RAB6B: variants seen among roughly 807,000 people sequenced by gnomAD.
RAB6B encodes the protein RAB6B, member RAS oncogene family.
Under a neutral mutation model 31.2 loss-of-function variants are expected in RAB6B, and 7 were observed. That is an observed-to-expected ratio of 0.22 (90% CI 0.13 to 0.42). The LOEUF is 0.42. Among genes scored for constraint, RAB6B ranks in the 10% least tolerant of loss-of-function variants. RAB6B has a pLI of 1.00. For synonymous variants in RAB6B, 105 were observed against 104.9 expected (o/e 1.00, Z -0.01); for missense variants, 149 against 280.6 (o/e 0.53, Z 3.35).
At chr3:133,849,994 G>A (rs961457622) in intron 2 of RAB6B, among the ~76,000 whole-genome samples, 3 of 152,156 alleles carry the variant, frequency 2.0e-5, no homozygotes, top group Non-Finnish European at 4.4e-5. Flanking sequence ...AATCTGCAAA[G>A]TTACTACAGC....
Position 133,895,571 on chromosome 3 carries a change from AG to A in RAB6B, c.-106del. ...AGGCGGCCGGCGGTGCGGGAGCCGG[AG>A]GGGGAAGGGCTGGCTGCGCGCGTCC... On this transcript the variant is annotated 5_prime_UTR_variant, in exon 1 of 8. Transcript: ENST00000285208. 8.6e-7 allele frequency: 1 copy of A among 1,156,300 alleles called. No individual in the cohort carries two copies. The highest frequency in any genetic ancestry group is 1.9e-5 in the Admixed American group (1 of 52,198). 71.6% of individuals were successfully genotyped at this position (1,156,300 alleles called of 1,614,324 possible).
Position 133,827,885 on chromosome 3 carries a change from T to G in RAB6B, c.*903A>C. The G allele has an allele frequency of 2.8e-6, 2 of 702,502 alleles. No individual in the cohort carries two copies. Among genetic ancestry groups the G allele is most frequent in the Non-Finnish European group, 5.2e-6 (2 of 384,812 alleles). The allele number at this position is 702,502 out of a possible 1,614,324, so 43.5% of individuals were successfully genotyped here. On this transcript the variant is annotated 3_prime_UTR_variant, in exon 8 of 8. Coordinates refer to ENST00000285208, the MANE Select transcript of RAB6B (RefSeq NM_016577.4). ...GTTTCTTAGACTTGGCCCAGGCATG[T>G]GTACTGACTGCTGGGTGGGCTGGTT...
In RAB6B at chr3:133,827,900, G is replaced by A. The variant is rs1253417074; in HGVS notation, c.*888C>T. 7.1e-6 allele frequency: 5 copies of A among 702,784 alleles called. No homozygotes were observed. Among genetic ancestry groups the A allele is most frequent in the African/African-American group, 7.0e-5 (4 of 57,198 alleles). 43.5% of individuals were successfully genotyped at this position (702,784 alleles called of 1,614,324 possible). ...CCCAGGCATGTGTACTGACTGCTGG[G>A]TGGGCTGGTTAAAATATTTTCAGAA... is the stretch of plus-strand genomic sequence containing the variant. On this transcript the variant is annotated 3_prime_UTR_variant, in exon 8 of 8. Coordinates refer to ENST00000285208, the MANE Select transcript of RAB6B (RefSeq NM_016577.4).
At chr3:133,850,789 T>C (rs1273466769) in intron 2 of RAB6B, among the ~76,000 whole-genome samples, 2 of 151,728 alleles carry the variant, frequency 1.3e-5, no homozygotes, top group African/African-American at 4.8e-5. Context: ...ATTTACAGAT[T>C]CAAAAACTCA....
intron 2 of RAB6B, among the ~76,000 whole-genome samples, chr3:133,857,997 G>A (rs551301055): frequency 3.9e-5 from 6 of 152,098 alleles, no homozygotes; most frequent in African/African-American, 1.2e-4. Context: ...TGTGTGCCCC[G>A]CCTCAGCTGC....
chr3:133,895,524 G>A lies in RAB6B; in HGVS notation c.-58C>T, dbSNP rs1936697063. On this transcript the variant is annotated 5_prime_UTR_variant, in exon 1 of 8. Coordinates refer to ENST00000285208, the MANE Select transcript of RAB6B (RefSeq NM_016577.4). ...GAGGAAAAAGCGAAGGAGCAGGGAG[G>A]GGAGAGTAGGAGGGCGAGGGGAGGC... 3.2e-6 allele frequency: 5 copies of A among 1,574,978 alleles called. No homozygotes were observed. The highest frequency in any genetic ancestry group is 4.5e-5 in the East Asian group (2 of 44,292).
chr3:133,870,742 T>G (rs1936312303), intron 1 of RAB6B, among the ~76,000 whole-genome samples: 1 of 152,224 alleles, frequency 6.6e-6, no homozygotes, highest in Non-Finnish European at 1.5e-5. Context: ...AAAAAACAAT[T>G]AACAATAATC....
intron 1 of RAB6B, among the ~76,000 whole-genome samples, chr3:133,879,212 T>C (rs1936434246): frequency 6.6e-6 from 1 of 152,238 alleles, no homozygotes; most frequent in South Asian, 2.1e-4. Flanking sequence ...TGTATAATCC[T>C]AAAACTGTGT....
intron 6 of RAB6B, among the ~76,000 whole-genome samples, chr3:133,835,660 T>C (rs183609609): frequency 1.3e-5 from 2 of 152,178 alleles, no homozygotes; most frequent in African/African-American, 4.8e-5. Context: ...CAAATTCCTA[T>C]GTTGAAACAG....
intron 1 of RAB6B, among the ~76,000 whole-genome samples, chr3:133,881,446 ATGTGTCCC>A (rs1474197682): frequency 6.6e-6 from 1 of 152,192 alleles, no homozygotes; most frequent in Non-Finnish European, 1.5e-5. Context: ...AGGCTTACCA[ATGTGTCCC>A]TGTGTCATGA....
At chr3:133,856,722 T>C (rs1010151474) in intron 2 of RAB6B, among the ~76,000 whole-genome samples, 1 of 152,296 alleles carries the variant, frequency 6.6e-6, no homozygotes, top group Admixed American at 6.5e-5. Context: ...GTAGTTACCA[T>C]AAGTAAGTTC....
In RAB6B at chr3:133,825,036, C is replaced by CA. The variant is rs1458061613; in HGVS notation, c.*3751dup. 1 of 152,184 alleles carries CA rather than the reference C, an allele frequency of 6.6e-6. No homozygotes were observed. Among genetic ancestry groups the CA allele is most frequent in the Non-Finnish European group, 1.5e-5 (1 of 68,038 alleles). 9.4% of individuals were successfully genotyped at this position (152,184 alleles called of 1,614,324 possible). A position where few individuals can be genotyped will look rare whatever the true frequency, so the allele number is the denominator to read the frequency against. On this transcript the variant is annotated 3_prime_UTR_variant, in exon 8 of 8. Coordinates refer to ENST00000285208, the MANE Select transcript of RAB6B (RefSeq NM_016577.4). ...GCTGTAACAAGGTGACAATGCCTCA[C>CA]ATTCTTTGGGGAGAGGCAGTTCGGA...
At chr3:133,832,112 C>T (rs371119741) in intron 7 of RAB6B, among the ~76,000 whole-genome samples, 1 of 152,190 alleles carries the variant, frequency 6.6e-6, no homozygotes, top group Non-Finnish European at 1.5e-5. Flanking sequence ...CATGAAGTGC[C>T]CACACTACTG....
At chr3:133,865,294 G>C (rs1936221829) in intron 1 of RAB6B, among the ~76,000 whole-genome samples, 2 of 152,242 alleles carry the variant, frequency 1.3e-5, no homozygotes, top group Non-Finnish European at 2.9e-5. Context: ...TCACACATCT[G>C]CAAATGCCCT....
intron 2 of RAB6B, among the ~76,000 whole-genome samples, chr3:133,846,414 T>A (rs1935909302): frequency 6.6e-6 from 1 of 152,134 alleles, no homozygotes; most frequent in Non-Finnish European, 1.5e-5. Flanking sequence ...ACCACTGCAC[T>A]CCAGCCTGGG....
chr3:133,834,687 C>T (rs371973886), intron 6 of RAB6B, 46 bp from the exon 7 acceptor site: 302 of 1,552,370 alleles, frequency 1.9e-4, no homozygotes, highest in Non-Finnish European at 2.6e-4. Flanking sequence ...CCTGGCCCTC[C>T]CCTCTGCTCC....
intron 2 of RAB6B, among the ~76,000 whole-genome samples, chr3:133,843,132 T>TG (rs1185511015): frequency 6.6e-6 from 1 of 152,102 alleles, no homozygotes; most frequent in Non-Finnish European, 1.5e-5. Context: ...CACAAAGATA[T>TG]GGGGGGTCAT....
intron 2 of RAB6B, among the ~76,000 whole-genome samples, chr3:133,860,254 A>C (rs1384307670): frequency 4.6e-5 from 7 of 152,336 alleles, no homozygotes; most frequent in Non-Finnish European, 1.0e-4. Context: ...TCTTGAGAGA[A>C]AAAATCATCC....
chr3:133,871,100 A>G (rs1184372811), intron 1 of RAB6B, among the ~76,000 whole-genome samples: 1 of 152,266 alleles, frequency 6.6e-6, no homozygotes, highest in Non-Finnish European at 1.5e-5. Flanking sequence ...GAGGCCAGTG[A>G]GGCTTCTCCA....
Sources: allele counts gnomAD v4.1 joint callset (sites outside exome capture counted in the v4.1 genomes callset), GRCh38; gene constraint gnomAD v4.1.1; transcripts MANE v1.5; gene names NCBI Gene and HGNC (gene_info 2026-07-23, HGNC 2026-07-21).